The following PUS7L variants were observed in gnomAD, a reference collection of about 807,000 sequenced individuals.
The protein encoded by PUS7L is pseudouridylate synthase PUS7L.
PUS7L carries 49 observed loss-of-function variants against 51.1 expected under a neutral mutation model. That is an observed-to-expected ratio of 0.96 (90% confidence interval 0.76 to 1.22). The LOEUF (loss-of-function observed/expected upper bound fraction) is 1.22, where lower values mean the gene tolerates loss of function less well. Among genes scored for constraint, PUS7L ranks in the 50% most tolerant of loss-of-function variants. The probability of loss-of-function intolerance (pLI) is 0.00; values close to 1 mark genes in which losing one functional copy is unlikely to be tolerated. For synonymous variants in PUS7L, 277 were observed against 276.2 expected, an observed-to-expected ratio of 1.00 and a Z score of -0.03; for missense variants, 828 against 820.6, an observed-to-expected ratio of 1.01 and a Z score of -0.11.
At position 43,728,900 on chromosome 12, in the gene PUS7L, A is replaced by G. The variant is rs1944491692; in HGVS notation, c.*1476T>C. 4.4e-6 allele frequency: 1 copy of G among 227,800 alleles called. No individual in the cohort carries two copies. 14.1% of individuals were successfully genotyped at this position (227,800 alleles called of 1,614,324 possible). ...AAACTGAAGCCCATGAGTTTAAATA[A>G]CTTTCCCAAGGCTGCAGTGCTATAC... On this transcript the variant is annotated 3_prime_UTR_variant, in exon 9 of 9. Transcript: ENST00000344862.
rs1416266535 is a variant in PUS7L, at chr12:43,723,628, A to G, written c.*6748T>C. On this transcript the variant is annotated 3_prime_UTR_variant, in exon 9 of 9. Coordinates refer to ENST00000344862, the MANE Select transcript of PUS7L (RefSeq NM_031292.5). ...CACTGTTAATCCCTCAAAGAAAGGG[A>G]TATTATTTATTTTTGTCTTTCCCAT... 2.0e-5 allele frequency: 3 copies of G among 152,188 alleles called. No individual in the cohort carries two copies. Among genetic ancestry groups the G allele is most frequent in the East Asian group, 3.9e-4 (2 of 5,188 alleles). 9.4% of individuals were successfully genotyped at this position (152,188 alleles called of 1,614,324 possible). A position where few individuals can be genotyped will look rare whatever the true frequency, so the allele number is the denominator to read the frequency against.
At chr12:43,757,446 C>T (rs1204758924) in intron 1 of PUS7L, among the ~76,000 whole-genome samples, 1 of 152,238 alleles carries the variant, frequency 6.6e-6, no homozygotes, top group Admixed American at 6.5e-5. Flanking sequence ...GCTGGGGTTA[C>T]AGGCGTGAGC....
In PUS7L at chr12:43,758,750, T is replaced by C. The variant is rs1229141788; in HGVS notation, c.-37A>G. On this transcript the variant is annotated 5_prime_UTR_variant, in exon 1 of 9. The change abolishes the stop of an existing upstream ORF in the 5' untranslated region. Coordinates refer to ENST00000344862, the MANE Select transcript of PUS7L (RefSeq NM_031292.5). Reference sequence around the variant, plus strand: ...TCTACCTCGGTTCAGTGGAAGGCATTCATTTGCACAACGCTGTGCGCATGC... The same window carrying C: ...TCTACCTCGGTTCAGTGGAAGGCATCCATTTGCACAACGCTGTGCGCATGC... The C allele has an allele frequency of 8.2e-6, 8 of 978,022 alleles. No homozygotes were observed. Among genetic ancestry groups the C allele is most frequent in the Non-Finnish European group, 9.7e-6 (8 of 826,926 alleles). The allele number at this position is 978,022 out of a possible 1,614,324, so 60.6% of individuals were successfully genotyped here.
intron 2 of PUS7L, 51 bp downstream of exon 2, chr12:43,754,285 T>G (rs767034097): frequency 2.4e-6 from 3 of 1,259,488 alleles, no homozygotes; most frequent in Non-Finnish European, 3.3e-6. Flanking sequence ...TTCACAATTT[T>G]AAATTTAGCT....
intron 4 of PUS7L, among the ~76,000 whole-genome samples, chr12:43,745,723 A>G (rs1938131821): frequency 1.4e-5 from 2 of 148,118 alleles, no homozygotes; most frequent in Non-Finnish European, 3.0e-5. Flanking sequence ...AATTCCCCTG[A>G]CTAAATACTA....
intron 1 of PUS7L, 59 bp downstream of exon 1, chr12:43,758,658 CCCCCCCCCACACA>C: frequency 4.3e-6 from 3 of 700,862 alleles, no homozygotes; most frequent in Non-Finnish European, 4.8e-6. Context: ...CTCGTCACCC[CCCCCCCCCACACA>C]CACACACACA....
At chr12:43,731,267 G>A (rs1437256580) in intron 8 of PUS7L, among the ~76,000 whole-genome samples, 1 of 152,032 alleles carries the variant, frequency 6.6e-6, no homozygotes, top group Non-Finnish European at 1.5e-5. Context: ...AAAGGAAGAA[G>A]GTAAAAAATT....
chr12:43,749,700 G>C (rs1259859345), intron 2 of PUS7L, among the ~76,000 whole-genome samples: 1 of 152,088 alleles, frequency 6.6e-6, no homozygotes, highest in Non-Finnish European at 1.5e-5. Flanking sequence ...TATACACCAT[G>C]AAATACTACA....
chr12:43,740,168 A>G (rs944667165), intron 5 of PUS7L, among the ~76,000 whole-genome samples: 10 of 152,172 alleles, frequency 6.6e-5, no homozygotes, highest in Admixed American at 4.6e-4. Context: ...TTTAAAAAAT[A>G]ATATCTACTA....
At position 43,728,647 on chromosome 12, in the gene PUS7L, A is replaced by C. The variant is rs1262800988; in HGVS notation, c.*1729T>G. 6.6e-6 allele frequency: 1 copy of C among 151,926 alleles called. No homozygotes were observed. The highest frequency in any genetic ancestry group is 2.4e-5 in the African/African-American group (1 of 41,380). 9.4% of individuals were successfully genotyped at this position (151,926 alleles called of 1,614,324 possible). On this transcript the variant is annotated 3_prime_UTR_variant, in exon 9 of 9. Coordinates refer to ENST00000344862, the MANE Select transcript of PUS7L (RefSeq NM_031292.5). Reference sequence around the variant, plus strand: ...ATTATTTATTGCCAAAACATATAACAAAAAAAACTTTTTAGTATTAAAAAA... The same window carrying C: ...ATTATTTATTGCCAAAACATATAACCAAAAAAACTTTTTAGTATTAAAAAA...
At chr12:43,737,824 C>T (rs1937683202) in intron 6 of PUS7L, among the ~76,000 whole-genome samples, 1 of 152,082 alleles carries the variant, frequency 6.6e-6, no homozygotes, top group African/African-American at 2.4e-5. Context: ...TACTCATAAC[C>T]ACTTTTCCTT....
At chr12:43,740,587 G>A (rs970861213) in intron 5 of PUS7L, among the ~76,000 whole-genome samples, 9 of 152,158 alleles carry the variant, frequency 5.9e-5, no homozygotes, top group African/African-American at 2.2e-4. Flanking sequence ...GGGAGGGGGT[G>A]CTTCAGGCAA....
intron 3 of PUS7L, among the ~76,000 whole-genome samples, chr12:43,747,039 A>G (rs1228824325): frequency 6.6e-6 from 1 of 152,202 alleles, no homozygotes; most frequent in East Asian, 1.9e-4. Context: ...TCCCCCATAT[A>G]AGAGCTTAGA....
At chr12:43,743,749 C>T (rs1027106339) in intron 4 of PUS7L, among the ~76,000 whole-genome samples, 6 of 150,888 alleles carry the variant, frequency 4.0e-5, no homozygotes, top group Middle Eastern at 3.2e-3. Flanking sequence ...GGTGACAGAG[C>T]GAGACTCCGT....
rs1197051469 is a variant in PUS7L at position 43,754,782 on chromosome 12, A to G, written c.464T>C (p.Ile155Thr). Reference sequence around the variant, plus strand: ...TATTGAGAATTCAGGAGGTAGTCCAATTAGCTCTGTTTTAGAAAGCCACTT... The same window carrying G: ...TATTGAGAATTCAGGAGGTAGTCCAGTTAGCTCTGTTTTAGAAAGCCACTT... The part of the protein sequence containing the change: ...REKWLSKTEL[I>T]GLPPEFSIGR... The change falls in exon 2 of 9, where the codon ATT becomes ACT. Residue 155 changes from isoleucine to threonine, a missense_variant. By Grantham distance (89) the Ile-to-Thr change is moderately conservative. Coordinates refer to ENST00000344862, the MANE Select transcript of PUS7L (RefSeq NM_031292.5). 1.9e-6 allele frequency: 3 copies of G among 1,613,978 alleles called. No homozygotes were observed. The highest frequency in any genetic ancestry group is 2.2e-5 in the East Asian group (1 of 44,860).
At chr12:43,732,539 A>G (rs1207312959) in intron 7 of PUS7L, among the ~76,000 whole-genome samples, 1 of 152,210 alleles carries the variant, frequency 6.6e-6, no homozygotes, top group African/African-American at 2.4e-5. Flanking sequence ...ACAAGAGGAA[A>G]AAAAGGTGCA....
intron 7 of PUS7L, among the ~76,000 whole-genome samples, chr12:43,732,801 G>GT (rs537369005): frequency 2.0e-5 from 3 of 152,114 alleles, no homozygotes; most frequent in Middle Eastern, 3.4e-3. Context: ...TTTAGGGTTT[G>GT]TTTTTTTGTT....
chr12:43,739,875 T>C (rs1423233491), intron 5 of PUS7L: 1 of 152,192 alleles, frequency 6.6e-6, no homozygotes, highest in East Asian at 1.9e-4. Context: ...GTATAAATTC[T>C]ATTGTCATTG....
At chr12:43,758,643 C>T (rs1392358844) in intron 1 of PUS7L, 87 bp downstream of exon 1, 2 of 875,676 alleles carry the variant, frequency 2.3e-6, no homozygotes, top group African/African-American at 2.2e-5. Context: ...ATCCTCAATG[C>T]CAACCTCGTC....
Sources: gnomAD v4.1 joint callset for allele counts (sites outside exome capture counted in the v4.1 genomes callset) on GRCh38, gnomAD v4.1.1 for gene constraint, MANE v1.5 for transcripts, NCBI Gene and HGNC (gene_info 2026-07-23, HGNC 2026-07-21) for gene names.